Variants in PDE10A observed in about 807,000 individuals in gnomAD.
PDE10A encodes the protein phosphodiesterase 10A, also known as cAMP and cAMP-inhibited cGMP 3',5'-cyclic phosphodiesterase 10A.
Under a neutral mutation model 97.7 loss-of-function variants are expected in PDE10A, and 39 were observed. The observed-to-expected ratio is 0.40, with a 90% CI of 0.31 to 0.52. PDE10A has a LOEUF of 0.52. Among genes scored for constraint, PDE10A ranks in the 20% least tolerant of loss-of-function variants. PDE10A has a pLI of 0.56. For missense variants in PDE10A, 731 were observed against 1,047.8 expected (o/e 0.70, Z 4.17); for synonymous variants, 371 against 376.8 (o/e 0.98, Z 0.18).
At chr6:165,635,610 A>C (rs1055953581) in intron 1 of PDE10A, among the ~76,000 whole-genome samples, 3 of 152,236 alleles carry the variant, frequency 2.0e-5, no homozygotes, top group African/African-American at 7.2e-5. Flanking sequence ...ATTTGTGGCA[A>C]ATCTAAACAT....
intron 1 of PDE10A, among the ~76,000 whole-genome samples, chr6:165,975,503 T>C (rs1784822271): frequency 6.6e-6 from 1 of 152,194 alleles, no homozygotes; most frequent in African/African-American, 2.4e-5. Context: ...ACAAAAAGTT[T>C]AAGAGCACTT....
intron 1 of PDE10A, among the ~76,000 whole-genome samples, chr6:165,580,536 T>C (rs574440904): frequency 6.6e-6 from 1 of 152,346 alleles, no homozygotes; most frequent in East Asian, 1.9e-4. Flanking sequence ...TGAGGACAAT[T>C]AGTTTTAAGG....
intron 1 of PDE10A, among the ~76,000 whole-genome samples, chr6:165,648,010 G>GTTTTTCT (rs1325552909): frequency 6.6e-6 from 1 of 152,080 alleles, no homozygotes; most frequent in Non-Finnish European, 1.5e-5. Context: ...ACACACATTT[G>GTTTTTCT]TTTTTCTTTT....
At chr6:165,960,433 C>T (rs1412916170) in intron 1 of PDE10A, among the ~76,000 whole-genome samples, 1 of 152,166 alleles carries the variant, frequency 6.6e-6, no homozygotes, top group Non-Finnish European at 1.5e-5. Flanking sequence ...GGATGGAGCA[C>T]AGCACATTCA....
chr6:165,715,275 T>C (rs114475590), intron 1 of PDE10A, among the ~76,000 whole-genome samples: 1,599 of 152,328 alleles, frequency 0.01, 30 homozygotes, highest in African/African-American at 0.037. Context: ...ATCATATTTT[T>C]ATACAGATGA....
intron 14 of PDE10A, 32 bp downstream of exon 14, chr6:165,396,285 T>A: frequency 6.3e-7 from 1 of 1,599,362 alleles, no homozygotes; most frequent in East Asian, 2.2e-5. Flanking sequence ...TAAAAATGGT[T>A]CCTGAAGAAA....
chr6:165,463,802 G>C (rs765888244), intron 3 of PDE10A, among the ~76,000 whole-genome samples: 5 of 152,150 alleles, frequency 3.3e-5, no homozygotes, highest in Non-Finnish European at 7.3e-5. Flanking sequence ...ACCGGAATGA[G>C]GGCAAGGAAT....
intron 1 of PDE10A, among the ~76,000 whole-genome samples, chr6:165,816,669 A>G (rs1779421699): frequency 6.6e-6 from 1 of 152,244 alleles, no homozygotes; most frequent in African/African-American, 2.4e-5. Flanking sequence ...AAATACACAT[A>G]ATGCAGTCAA....
At chr6:165,567,794 C>T (rs1784845986) in intron 1 of PDE10A, among the ~76,000 whole-genome samples, 1 of 151,966 alleles carries the variant, frequency 6.6e-6, no homozygotes, top group African/African-American at 2.4e-5. Flanking sequence ...AAACTAGAAT[C>T]GAAATCAAAA....
chr6:165,811,558 G>T (rs1368088485), intron 1 of PDE10A, among the ~76,000 whole-genome samples: 1 of 152,124 alleles, frequency 6.6e-6, no homozygotes, highest in Non-Finnish European at 1.5e-5. Flanking sequence ...CTGCTCCCTG[G>T]CCATTTCTAT....
chr6:165,513,737 C>T (rs369707661), intron 2 of PDE10A, among the ~76,000 whole-genome samples: 1 of 152,174 alleles, frequency 6.6e-6, no homozygotes, highest in South Asian at 2.1e-4. Flanking sequence ...AAATTTTGCA[C>T]TTCTGCTAAA....
intron 1 of PDE10A, among the ~76,000 whole-genome samples, chr6:165,983,766 A>G (rs1261439623): frequency 6.6e-6 from 1 of 152,218 alleles, no homozygotes; most frequent in East Asian, 1.9e-4. Flanking sequence ...CATTTGGCTT[A>G]GAGGCCCAAA....
intron 3 of PDE10A, among the ~76,000 whole-genome samples, chr6:165,466,445 G>A (rs1778657147): frequency 6.6e-6 from 1 of 152,206 alleles, no homozygotes; most frequent in South Asian, 2.1e-4. Context: ...CTGAATGTCA[G>A]CACAGGCATA....
chr6:165,500,759 TGGGCAATAGAATGTCTCCAG>T (rs1369088765), intron 2 of PDE10A, among the ~76,000 whole-genome samples: 4 of 151,146 alleles, frequency 2.6e-5, no homozygotes, highest in Non-Finnish European at 5.9e-5. Flanking sequence ...TGCTGGACCC[TGGGCAATAGAATGTCTCCAG>T]GGGCAATAGA....
At chr6:165,408,501 T>C (rs1003701700) in intron 13 of PDE10A, among the ~76,000 whole-genome samples, 3 of 152,224 alleles carry the variant, frequency 2.0e-5, no homozygotes, top group Non-Finnish European at 4.4e-5. Context: ...TGGCAGTAGT[T>C]CGTGGCATCA....
At chr6:165,839,084 A>C (rs896860480) in intron 1 of PDE10A, among the ~76,000 whole-genome samples, 1 of 152,256 alleles carries the variant, frequency 6.6e-6, no homozygotes, top group Non-Finnish European at 1.5e-5. Context: ...TGAAAGGAAT[A>C]TTTCTAAAAA....
At chr6:165,958,716 GAAGAAAGA>G (rs58415177) in intron 1 of PDE10A, among the ~76,000 whole-genome samples, 2 of 58,766 alleles carry the variant, frequency 3.4e-5, no homozygotes, top group Non-Finnish European at 6.2e-5. Context: ...AAGAAAGAGA[GAAGAAAGA>G]AAGAAAGAAA....
intron 1 of PDE10A, among the ~76,000 whole-genome samples, chr6:165,574,995 A>C (rs1366527062): frequency 1.3e-5 from 2 of 152,116 alleles, no homozygotes; most frequent in Non-Finnish European, 2.9e-5. Context: ...ACACCATCCT[A>C]TCCTTACACC....
At chr6:165,639,681 A>G (rs984441560) in intron 1 of PDE10A, among the ~76,000 whole-genome samples, 8 of 149,186 alleles carry the variant, frequency 5.4e-5, no homozygotes, top group Admixed American at 1.4e-4. Context: ...AGAGGTTACA[A>G]GGAGCCGAGG....
Sources: gnomAD v4.1 joint callset for allele counts (sites outside exome capture counted in the v4.1 genomes callset) on GRCh38, gnomAD v4.1.1 for gene constraint, MANE v1.5 for transcripts, NCBI Gene and HGNC (gene_info 2026-07-23, HGNC 2026-07-21) for gene names.